Variants in PRKDC observed in about 807,000 individuals in gnomAD.
PRKDC encodes protein kinase, DNA-activated, catalytic subunit.
PRKDC carries 82 observed loss-of-function variants against 486.9 expected under a neutral mutation model. The observed-to-expected ratio is 0.17, with a 90% CI of 0.14 to 0.20. The LOEUF (loss-of-function observed/expected upper bound fraction) is 0.20, where lower values mean the gene tolerates loss of function less well. Ranked by LOEUF, PRKDC falls within the 10% of genes least tolerant of loss-of-function variation. The pLI, the probability that PRKDC is intolerant of heterozygous loss-of-function variation, is 1.00. For synonymous variants in PRKDC, 1,895 were observed against 1,837.0 expected, an observed-to-expected ratio of 1.03 and a Z score of -0.81; for missense variants, 4,504 against 5,038.2, an observed-to-expected ratio of 0.89 and a Z score of 3.21.
intron 37 of PRKDC, 101 bp downstream of exon 37, chr8:47,881,811 C>A: frequency 1.9e-6 from 2 of 1,063,746 alleles, no homozygotes; most frequent in South Asian, 4.1e-5. Context: ...TCTTATTTGT[C>A]AAACCAATGA....
At chr8:47,913,095 G>A (rs2089932388) in intron 24 of PRKDC, among the ~76,000 whole-genome samples, 1 of 152,134 alleles carries the variant, frequency 6.6e-6, no homozygotes, top group Non-Finnish European at 1.5e-5. Context: ...TGTATATAAA[G>A]TTCTAATGCT....
chr8:47,909,300 A>G (rs1023431488), intron 25 of PRKDC, among the ~76,000 whole-genome samples: 3 of 152,192 alleles, frequency 2.0e-5, no homozygotes, highest in Admixed American at 1.3e-4. Flanking sequence ...ATAATTTCTT[A>G]CACCTCTCTT....
intron 48 of PRKDC, 61 bp downstream of exon 48, chr8:47,858,455 G>C: frequency 7.5e-7 from 1 of 1,331,230 alleles, no homozygotes; most frequent in Non-Finnish European, 1.0e-6. Flanking sequence ...TTCATTCATA[G>C]AATTGAATAA....
chr8:47,939,867 G>A, intron 10 of PRKDC, 170 bp from the exon 11 acceptor site: 1 of 399,674 alleles, frequency 2.5e-6, no homozygotes, highest in Non-Finnish European at 4.2e-6. Context: ...TCTCTATCAG[G>A]TTCAGAAAAG....
intron 73 of PRKDC, among the ~76,000 whole-genome samples, chr8:47,795,265 C>T (rs1271912879): frequency 1.0e-4 from 15 of 150,388 alleles, no homozygotes; most frequent in Non-Finnish European, 3.0e-5. Flanking sequence ...TCTCGGCTCA[C>T]TGCAAGCTCC....
In PRKDC at chr8:47,817,457, T is replaced by C. The variant is rs1338558408; in HGVS notation, c.9550A>G (p.Thr3184Ala). The change falls in exon 68 of 86, where the codon ACA becomes GCA. Residue 3184 changes from threonine (T) to alanine (A), a missense_variant. Coordinates refer to ENST00000314191, the MANE Select transcript of PRKDC (RefSeq NM_006904.7). ...DPMNIWDDII[T>A]NRCFFLSKIE... Reference sequence around the variant, plus strand: ...AAAGGGACCACGTCTTACCGATTTGTGATGATGTCATCCCAGATGTTCATT... The same window carrying C: ...AAAGGGACCACGTCTTACCGATTTGCGATGATGTCATCCCAGATGTTCATT... 1.3e-6 allele frequency: 2 copies of C among 1,594,184 alleles called. No individual in the cohort carries two copies. The highest frequency in any genetic ancestry group is 3.4e-5 in the Admixed American group (2 of 58,004).
intron 7 of PRKDC, among the ~76,000 whole-genome samples, chr8:47,949,921 AACCTAATGGAAGAAAAAC>A (rs2090600492): frequency 6.6e-6 from 1 of 152,262 alleles, no homozygotes; most frequent in African/African-American, 2.4e-5. Context: ...TGTAAGTTTC[AACCTAATGGAAGAAAAAC>A]AAAGTAGGTC....
intron 76 of PRKDC, among the ~76,000 whole-genome samples, 158 bp downstream of exon 76, chr8:47,788,748 C>G (rs1323807021): frequency 6.6e-6 from 1 of 152,200 alleles, no homozygotes; most frequent in Non-Finnish European, 1.5e-5. Context: ...CAATGTGTCA[C>G]AGAAAGCATG....
chr8:47,884,856 C>T (rs7840736), intron 36 of PRKDC, among the ~76,000 whole-genome samples: 3,513 of 151,536 alleles, frequency 0.023, 142 homozygotes, highest in African/African-American at 0.08. Flanking sequence ...ATACTGATCT[C>T]CAGGGAGAAA....
Position 47,857,263 on chromosome 8 carries a change from A to T in PRKDC, c.6502T>A (p.Leu2168Met). 1 of 1,613,980 alleles carries T rather than the reference A, an allele frequency of 6.2e-7. No homozygotes were observed. The highest frequency in any genetic ancestry group is 8.5e-7 in the Non-Finnish European group (1 of 1,179,840). Reference sequence around the variant, plus strand: ...TTTTCAGAAGCAGCCAGCTGCAGCAAGGGGCTAAGCCAGTGCTTCGCGTAA... The same window carrying T: ...TTTTCAGAAGCAGCCAGCTGCAGCATGGGGCTAAGCCAGTGCTTCGCGTAA... ...RPYAKHWLSP[L>M]LQLAASENNG... The change falls in exon 49 of 86, where the codon TTG becomes ATG. Residue 2168 changes from leucine (L) to methionine (M), a missense_variant. Physicochemically the swap from Leu to Met is conservative, Grantham distance 15 (BLOSUM62 2). This residue lies in a region of PRKDC where 1,592 missense variants were observed against 1,724.6 expected (regional missense o/e 0.92). Coordinates refer to ENST00000314191, the MANE Select transcript of PRKDC (RefSeq NM_006904.7).
Position 47,933,120 on chromosome 8 carries a change from C to G in PRKDC, c.1676G>C (p.Ser559Thr), listed in dbSNP as rs1038089558. Residue 559 changes from serine to threonine, a missense_variant, in exon 16 of 86, where the codon AGT becomes ACT. Transcript: ENST00000314191. ...AFFSVNSSSESLNHLLYDEFV... is the reference protein window; with the variant it reads ...AFFSVNSSSETLNHLLYDEFV... Reference sequence around the variant, plus strand: ...TTCATCATAAAGTAAATGATTCAGACTTTCACTGGAGGAATTCACAGAGAA... The same window carrying G: ...TTCATCATAAAGTAAATGATTCAGAGTTTCACTGGAGGAATTCACAGAGAA... 3.4e-5 allele frequency: 54 copies of G among 1,567,354 alleles called. No homozygotes were observed. Among genetic ancestry groups the G allele is most frequent in the Non-Finnish European group, 4.3e-5 (50 of 1,158,978 alleles).
chr8:47,847,515 T>C (rs1190238803), intron 54 of PRKDC, among the ~76,000 whole-genome samples: 2 of 152,186 alleles, frequency 1.3e-5, no homozygotes, highest in African/African-American at 4.8e-5. Context: ...CAGACTTCAA[T>C]GTAAGACTTC....
At chr8:47,797,351 T>C (rs1352703687) in intron 73 of PRKDC, among the ~76,000 whole-genome samples, 1 of 152,178 alleles carries the variant, frequency 6.6e-6, no homozygotes, top group Non-Finnish European at 1.5e-5. Context: ...GAAAAACACA[T>C]ACATGTTGCA....
intron 83 of PRKDC, 45 bp downstream of exon 83, chr8:47,778,414 A>G: frequency 6.3e-7 from 1 of 1,577,348 alleles, no homozygotes; most frequent in South Asian, 1.1e-5. Context: ...AAGTCCTATG[A>G]TGACTCTCGC....
chr8:47,831,140 C>A (rs767395618), intron 60 of PRKDC, among the ~76,000 whole-genome samples: 14 of 152,162 alleles, frequency 9.2e-5, no homozygotes, highest in Non-Finnish European at 1.8e-4. Flanking sequence ...CAAAGCTCCC[C>A]TCCGAGGGGG....
chr8:47,778,577 C>G lies in PRKDC; in HGVS notation c.11735G>C (p.Cys3912Ser). ...SHFASSHALICISHWILGIGD... is the reference protein window; with the variant it reads ...SHFASSHALISISHWILGIGD... ...AATCCCGAGGATCCAGTGGCTGATGCATATCAGAGCGTGAGAGCTGGCGAA... is the reference window on the plus strand; with the variant it reads ...AATCCCGAGGATCCAGTGGCTGATGGATATCAGAGCGTGAGAGCTGGCGAA... Residue 3912 changes from cysteine to serine, a missense_variant, in exon 83 of 86, where the codon TGC (cysteine) becomes TCC (serine). Physicochemically the swap from Cys to Ser is moderately radical, Grantham distance 112. Around this residue, in one of 6 missense-constraint regions of PRKDC, gnomAD observed 706 missense variants for 945.0 expected, o/e 0.75. Transcript: ENST00000314191. 1 of 1,613,776 alleles carries G rather than the reference C, an allele frequency of 6.2e-7. No homozygotes were observed. Among genetic ancestry groups the G allele is most frequent in the Non-Finnish European group, 8.5e-7 (1 of 1,179,816 alleles).
chr8:47,814,440 AT>A (rs2087399394), intron 68 of PRKDC, among the ~76,000 whole-genome samples: 1 of 152,230 alleles, frequency 6.6e-6, no homozygotes, highest in Admixed American at 6.5e-5. Context: ...GGCAGATGAT[AT>A]GATAGAAAAT....
Position 47,799,267 on chromosome 8 carries a change from T to G in PRKDC, c.10240A>C (p.Met3414Leu), listed in dbSNP as rs774265354. The G allele has an allele frequency of 6.2e-7, 1 of 1,613,894 alleles. No homozygotes were observed. Among genetic ancestry groups the G allele is most frequent in the African/African-American group, 1.3e-5 (1 of 75,052 alleles). Reference protein sequence around the residue: ...GPAAGVIDAYMTLADFCDQQL... With the variant: ...GPAAGVIDAYLTLADFCDQQL... ...TGGTCACAGAAATCTGCCAGCGTCA[T>G]GTAAGCATCAATCACCCCAGCTGCA... Residue 3414 changes from methionine to leucine, a missense_variant, in exon 72 of 86, where the codon ATG (methionine) becomes CTG (leucine). This residue lies in a region of PRKDC where 706 missense variants were observed against 945.0 expected (regional missense o/e 0.75). Transcript: ENST00000314191.
In PRKDC at chr8:47,800,825, G is replaced by C; in HGVS notation, c.10084C>G (p.Leu3362Val). The stretch of plus-strand genomic sequence containing the variant: ...GAATCCTCTGAACTGGATCCAGAAA[G>C]CTCTAAGATTCTTCTAGCCTTGTCC... ...EEDKARRILE[L>V]SGSSSEDSEK... is the part of the protein sequence containing the mutation. The change falls in exon 71 of 86, where the codon CTT (leucine) becomes GTT (valine). Residue 3362 changes from leucine to valine, a missense_variant. Coordinates refer to ENST00000314191, the MANE Select transcript of PRKDC (RefSeq NM_006904.7). 6.2e-7 allele frequency: 1 copy of C among 1,612,150 alleles called. No individual in the cohort carries two copies. The highest frequency in any genetic ancestry group is 8.5e-7 in the Non-Finnish European group (1 of 1,179,102).
Sources: gnomAD v4.1 joint callset for allele counts (sites outside exome capture counted in the v4.1 genomes callset) on GRCh38, gnomAD v4.1.1 for gene constraint, gnomAD v4.1.1 regional missense constraint, MANE v1.5 for transcripts, NCBI Gene and HGNC (gene_info 2026-07-23, HGNC 2026-07-21) for gene names.